CEP192: variants seen among roughly 807,000 people sequenced by gnomAD.
CEP192 encodes centrosomal protein of 192 kDa.
CEP192 carries 151 observed loss-of-function variants against 271.8 expected under a neutral mutation model. The ratio of observed to expected loss-of-function variants is 0.56; its 90% CI spans 0.49 to 0.64. The LOEUF is 0.64. Among genes scored for constraint, CEP192 ranks in the 30% least tolerant of loss-of-function variants. CEP192 has a pLI of 0.00. For missense variants in CEP192, 2,910 were observed against 3,020.5 expected, an observed-to-expected ratio of 0.96 and a Z score of 0.86; for synonymous variants, 995 against 1,076.5, an observed-to-expected ratio of 0.92 and a Z score of 1.48.
chr18:13,013,596 TCTG>T (rs1489732500), intron 5 of CEP192, among the ~76,000 whole-genome samples: 1 of 152,160 alleles, frequency 6.6e-6, no homozygotes, highest in African/African-American at 2.4e-5. Context: ...AATGTCCACT[TCTG>T]TGTGTGTGCT....
intron 40 of CEP192, 91 bp downstream of exon 40, chr18:13,105,170 G>A: frequency 1.1e-6 from 1 of 873,880 alleles, no homozygotes; most frequent in Non-Finnish European, 1.9e-6. Context: ...GTTTCACCTG[G>A]AGCAGTGCTA....
Position 13,049,597 on chromosome 18 carries a change from C to T in CEP192, c.2806C>T (p.Gln936Ter), listed in dbSNP as rs757547076. ...EIRDNRENQR[Q>*]NECVSEISNS... is the part of the protein sequence containing the mutation. ...ACGAGATAACAGAGAAAATCAGAGG[C>T]AAAATGAGTGTGTCAGTGAAATAAG... The change falls in exon 16 of 45, where the codon CAA (glutamine) becomes TAA (stop). Residue 936 changes from glutamine to a stop codon, truncating the protein, a stop_gained. Coordinates refer to ENST00000506447, the MANE Select transcript of CEP192 (RefSeq NM_032142.4). LOFTEE classifies it high-confidence loss of function. 6.2e-7 allele frequency: 1 copy of T among 1,613,764 alleles called. No homozygotes were observed. Among genetic ancestry groups the T allele is most frequent in the Non-Finnish European group, 8.5e-7 (1 of 1,179,948 alleles).
In CEP192 at chr18:13,049,479, A is replaced by G. The variant is rs2036657906; in HGVS notation, c.2688A>G (p.Lys896=). 6.2e-7 allele frequency: 1 copy of G among 1,614,032 alleles called. No homozygotes were observed. Among genetic ancestry groups the G allele is most frequent in the African/African-American group, 1.3e-5 (1 of 74,926 alleles). ...NKLQDVGNDE[K]ATSISTPSDS... ...TACAAGATGTTGGTAACGATGAAAAAGCTACCTCAATTTCCACTCCATCTG... is the reference window on the plus strand; with the variant it reads ...TACAAGATGTTGGTAACGATGAAAAGGCTACCTCAATTTCCACTCCATCTG... The change falls in exon 16 of 45, where the codon AAA becomes AAG. Residue 896 remains lysine, a synonymous_variant. Coordinates refer to ENST00000506447, the MANE Select transcript of CEP192 (RefSeq NM_032142.4).
chr18:13,070,796 TC>T (rs2037971235), intron 27 of CEP192, among the ~76,000 whole-genome samples: 2 of 152,194 alleles, frequency 1.3e-5, no homozygotes, highest in South Asian at 2.1e-4. Context: ...TTTCCTCCAC[TC>T]CTCCCAAATG....
intron 14 of CEP192, among the ~76,000 whole-genome samples, chr18:13,041,843 G>A (rs1438709044): frequency 2.0e-5 from 3 of 152,166 alleles, no homozygotes; most frequent in Non-Finnish European, 4.4e-5. Context: ...TGGGATCACA[G>A]GCATGAGCCA....
chr18:13,049,007 A>G lies in CEP192; in HGVS notation c.2216A>G (p.Lys739Arg), dbSNP rs1324047286. The change falls in exon 16 of 45, where the codon AAG becomes AGG. Residue 739 changes from lysine (K) to arginine (R), a missense_variant. Physicochemically the swap from Lys to Arg is conservative, Grantham distance 26. Coordinates refer to ENST00000506447, the MANE Select transcript of CEP192 (RefSeq NM_032142.4). ...TDPSQLAAMI[K>R]ALSNKTRDKT... ...CCTTCCCAACTTGCTGCAATGATCA[A>G]GGCACTTTCAAATAAAACCAGAGAC... The G allele has an allele frequency of 1.2e-6, 2 of 1,614,092 alleles. No individual in the cohort carries two copies. Among genetic ancestry groups the G allele is most frequent in the Non-Finnish European group, 1.7e-6 (2 of 1,180,042 alleles).
intron 40 of CEP192, among the ~76,000 whole-genome samples, chr18:13,106,509 TACCACC>T (rs761390676): frequency 4.7e-4 from 64 of 136,946 alleles, no homozygotes; most frequent in African/African-American, 1.8e-3. Context: ...CACCATTTCC[TACCACC>T]ACCACCACCA....
At chr18:13,063,984 C>G (rs2037550040) in intron 21 of CEP192, among the ~76,000 whole-genome samples, 1 of 150,934 alleles carries the variant, frequency 6.6e-6, no homozygotes, top group Non-Finnish European at 1.5e-5. Flanking sequence ...CCACGCCTGG[C>G]TAATTTTTGT....
At chr18:13,103,433 A>G (rs937070351) in intron 38 of CEP192, 76 bp from the exon 39 acceptor site, 51 of 1,091,408 alleles carry the variant, frequency 4.7e-5, no homozygotes, top group Non-Finnish European at 5.8e-5. Flanking sequence ...AGTATGAGGT[A>G]GTTAGGCCTG....
intron 17 of CEP192, 24 bp from the exon 18 acceptor site, chr18:13,052,895 G>A: frequency 6.7e-7 from 1 of 1,492,070 alleles, no homozygotes; most frequent in Middle Eastern, 1.8e-4. Context: ...AGAACTCCAG[G>A]TGTGAGCTAC....
chr18:13,104,966 T>C lies in CEP192; in HGVS notation c.6952-18T>C. On this transcript the variant is annotated intron_variant, in intron 39 of 44. Coordinates refer to ENST00000506447, the MANE Select transcript of CEP192 (RefSeq NM_032142.4). Reference sequence around the variant, plus strand: ...TTGGCTTTATGGTTTTTAATTTGTTTAAATGATTGCTTTGCAGGGAGTTGA... The same window carrying C: ...TTGGCTTTATGGTTTTTAATTTGTTCAAATGATTGCTTTGCAGGGAGTTGA... 4 of 1,583,554 alleles carry C rather than the reference T, an allele frequency of 2.5e-6. No homozygotes were observed. Among genetic ancestry groups the C allele is most frequent in the Non-Finnish European group, 3.5e-6 (4 of 1,152,238 alleles).
intron 2 of CEP192, among the ~76,000 whole-genome samples, chr18:13,000,844 T>C (rs892185112): frequency 1.8e-4 from 27 of 152,096 alleles, no homozygotes; most frequent in African/African-American, 6.5e-4. Flanking sequence ...TCCCAGCTAC[T>C]CGGGAGGCTG....
rs554802590 is a variant in CEP192, at chr18:13,014,439, G to C, written c.520-889G>C. 5.9e-5 allele frequency among the ~76,000 whole-genome samples: 9 copies of C among 152,178 alleles called. No individual in the cohort carries two copies. In the South Asian group the frequency reaches 6.2e-4, roughly 11 times the overall value. Reference sequence around the variant, plus strand: ...TATCAGAATGGAGACATTTTCCAGGGACCAAGCATGGCAGAGTACACAGTG... The same window carrying C: ...TATCAGAATGGAGACATTTTCCAGGCACCAAGCATGGCAGAGTACACAGTG... On this transcript the variant is annotated intron_variant, in intron 5 of 44. Transcript: ENST00000506447.
At chr18:13,007,226 T>C (rs2034039664) in intron 3 of CEP192, among the ~76,000 whole-genome samples, 1 of 152,234 alleles carries the variant, frequency 6.6e-6, no homozygotes, top group Non-Finnish European at 1.5e-5. Flanking sequence ...TGCTTCACTT[T>C]TATAGATTTC....
At chr18:13,019,269 T>A in intron 9 of CEP192, 63 bp downstream of exon 9, 1 of 1,321,826 alleles carries the variant, frequency 7.6e-7, no homozygotes, top group Non-Finnish European at 9.9e-7. Context: ...TTTGTGTTTA[T>A]ATGATATCAG....
intron 11 of CEP192, among the ~76,000 whole-genome samples, chr18:13,032,872 A>G (rs2035710214): frequency 2.0e-5 from 3 of 152,238 alleles, no homozygotes; most frequent in Non-Finnish European, 4.4e-5. Flanking sequence ...GTTACATGCA[A>G]CAACATGGAT....
chr18:13,085,575 G>A (rs1195444871), intron 30 of CEP192, among the ~76,000 whole-genome samples: 1 of 152,144 alleles, frequency 6.6e-6, no homozygotes, highest in Non-Finnish European at 1.5e-5. Context: ...TTTTGTATAA[G>A]TTGTAAGGAA....
chr18:13,050,575 CT>C (rs1216786402), intron 17 of CEP192, among the ~76,000 whole-genome samples: 5,480 of 144,272 alleles, frequency 0.038, 300 homozygotes, highest in African/African-American at 0.13. Flanking sequence ...TAGTTAATTG[CT>C]TTTTTTTTTT....
At chr18:13,100,227 C>T in intron 37 of CEP192, 78 bp from the exon 38 acceptor site, 2 of 962,250 alleles carry the variant, frequency 2.1e-6, no homozygotes, top group Non-Finnish European at 3.2e-6. Context: ...TTTTCTCTAC[C>T]ATGGTTTAAA....
Sources: gnomAD v4.1 joint callset for allele counts (sites outside exome capture counted in the v4.1 genomes callset) on GRCh38, gnomAD v4.1.1 for gene constraint, MANE v1.5 for transcripts, NCBI Gene and HGNC (gene_info 2026-07-23, HGNC 2026-07-21) for gene names.